SRRM3: variants seen among roughly 807,000 people sequenced by gnomAD.
The protein encoded by SRRM3 is serine/arginine repetitive matrix protein 3.
SRRM3 carries 27 observed loss-of-function variants against 66.2 expected under a neutral mutation model. The observed-to-expected ratio is 0.41, with a 90% CI of 0.30 to 0.56. The LOEUF is 0.56. Among genes scored for constraint, SRRM3 ranks in the 20% least tolerant of loss-of-function variants. The pLI, the probability that SRRM3 is intolerant of heterozygous loss-of-function variation, is 0.32. For missense variants in SRRM3, 918 were observed against 991.9 expected (o/e 0.93, Z 1.00); for synonymous variants, 391 against 414.9 (o/e 0.94, Z 0.70).
At chr7:76,212,052 G>A in intron 1 of SRRM3, among the ~76,000 whole-genome samples, 1 of 150,930 alleles carries the variant, frequency 6.6e-6, no homozygotes, top group African/African-American at 2.4e-5. Flanking sequence ...ACAAAACTCA[G>A]CCTGTTGCCC....
chr7:76,284,496 C>T (rs781936603), intron 14 of SRRM3, among the ~76,000 whole-genome samples: 19 of 152,234 alleles, frequency 1.2e-4, no homozygotes, highest in Middle Eastern at 6.8e-3. Flanking sequence ...CTACTTCTAA[C>T]GGATGTCCTC....
chr7:76,215,666 C>T (rs563810095), intron 1 of SRRM3, among the ~76,000 whole-genome samples: 10 of 135,834 alleles, frequency 7.4e-5, no homozygotes, highest in Admixed American at 3.2e-4. Flanking sequence ...TCACTCTTGT[C>T]GCCCAGGCTG....
At chr7:76,203,265 G>A (rs1422317556) in intron 1 of SRRM3, among the ~76,000 whole-genome samples, 1 of 152,180 alleles carries the variant, frequency 6.6e-6, no homozygotes, top group Non-Finnish European at 1.5e-5. Flanking sequence ...TGACTAAAGA[G>A]TCAACTGGGT....
At chr7:76,213,936 A>AT (rs1431413111) in intron 1 of SRRM3, among the ~76,000 whole-genome samples, 4 of 150,980 alleles carry the variant, frequency 2.6e-5, no homozygotes, top group East Asian at 3.9e-4. Flanking sequence ...TGCCTGGCTA[A>AT]TTTTTTTTTC....
chr7:76,246,153 T>C (rs1381131307), intron 2 of SRRM3, among the ~76,000 whole-genome samples: 3 of 152,230 alleles, frequency 2.0e-5, no homozygotes, highest in African/African-American at 7.2e-5. Flanking sequence ...ATTGGGCACC[T>C]ACTCTAAGCC....
intron 4 of SRRM3, 27 bp from the exon 5 acceptor site, chr7:76,260,090 C>T (rs576587491): frequency 7.7e-7 from 1 of 1,307,132 alleles, no homozygotes; most frequent in South Asian, 1.6e-5. Flanking sequence ...CCCCTCACCG[C>T]CCCCACCCCC....
intron 1 of SRRM3, among the ~76,000 whole-genome samples, chr7:76,214,284 C>T (rs1362545761): frequency 6.6e-6 from 1 of 152,094 alleles, no homozygotes; most frequent in African/African-American, 2.4e-5. Context: ...CACTCCCGAT[C>T]CGACATTAAG....
Position 76,221,359 on chromosome 7 carries a change from C to CTTTTTTTTTTTTTT in SRRM3, c.-39-13661_-39-13648dup, listed in dbSNP as rs781915041. Among the ~76,000 whole-genome samples, 138 of 95,356 alleles carry CTTTTTTTTTTTTTT rather than the reference C, an allele frequency of 1.4e-3. 30 individuals are homozygous for CTTTTTTTTTTTTTT. Among genetic ancestry groups the CTTTTTTTTTTTTTT allele is most frequent in the African/African-American group, 7.0e-3 (128 of 18,254 alleles). 62.6% of individuals were successfully genotyped at this position (95,356 alleles called of 152,430 possible). ...TTTGAGCCACTGGGCCTGCCCTCCT[C>CTTTTTTTTTTTTTT]TTTTTTTTTTTTTTTTTTTTTGAGA... On this transcript the variant is annotated intron_variant, in intron 1 of 14. Coordinates refer to ENST00000611745, the MANE Select transcript of SRRM3 (RefSeq NM_001110199.3).
chr7:76,227,090 T>C (rs1800889773), intron 1 of SRRM3, among the ~76,000 whole-genome samples: 1 of 141,288 alleles, frequency 7.1e-6, no homozygotes, highest in Non-Finnish European at 1.5e-5. Context: ...GGGTAAAGAC[T>C]TCCCATGTGC....
intron 1 of SRRM3, among the ~76,000 whole-genome samples, chr7:76,233,826 G>A (rs187087535): frequency 6.6e-6 from 1 of 152,256 alleles, no homozygotes; most frequent in Admixed American, 6.5e-5. Flanking sequence ...AAGAGCTTAT[G>A]TTTTCATCAC....
chr7:76,271,631 A>G (rs1179626698), intron 11 of SRRM3, among the ~76,000 whole-genome samples: 1 of 152,210 alleles, frequency 6.6e-6, no homozygotes, highest in African/African-American at 2.4e-5. Context: ...CAACAGAGCA[A>G]GACCCTGTCT....
At chr7:76,253,067 G>A (rs1012716032) in intron 3 of SRRM3, among the ~76,000 whole-genome samples, 1 of 152,106 alleles carries the variant, frequency 6.6e-6, no homozygotes, top group South Asian at 2.1e-4. Context: ...AGGAGGCTGA[G>A]GCACAAGAAT....
intron 3 of SRRM3, among the ~76,000 whole-genome samples, chr7:76,254,058 C>T (rs1801646875): frequency 6.6e-6 from 1 of 152,062 alleles, no homozygotes; most frequent in Non-Finnish European, 1.5e-5. Context: ...CACTGTCACC[C>T]AGGCTGGAGT....
intron 3 of SRRM3, among the ~76,000 whole-genome samples, chr7:76,257,265 G>A (rs1165127111): frequency 6.6e-6 from 1 of 151,950 alleles, no homozygotes; most frequent in Non-Finnish European, 1.5e-5. Flanking sequence ...TGTAGGAGGG[G>A]AAGGGGTGAG....
intron 1 of SRRM3, among the ~76,000 whole-genome samples, chr7:76,215,196 C>G (rs1336058513): frequency 6.6e-6 from 1 of 151,840 alleles, no homozygotes; most frequent in African/African-American, 2.4e-5. Flanking sequence ...TAAAGCACAA[C>G]TAACAGTTTT....
chr7:76,236,936 G>T (rs533047267), intron 2 of SRRM3, among the ~76,000 whole-genome samples: 4 of 152,276 alleles, frequency 2.6e-5, no homozygotes, highest in Non-Finnish European at 5.9e-5. Flanking sequence ...CTCCTACAGT[G>T]AGAACCTCAG....
chr7:76,234,832 A>G, intron 1 of SRRM3, 196 bp from the exon 2 acceptor site: 1 of 528,172 alleles, frequency 1.9e-6, no homozygotes, highest in Non-Finnish European at 3.3e-6. Flanking sequence ...GAAAAAGCCC[A>G]GTGTCCAACC....
chr7:76,248,692 A>G (rs1275072454), intron 3 of SRRM3, among the ~76,000 whole-genome samples: 1 of 152,074 alleles, frequency 6.6e-6, no homozygotes, highest in Non-Finnish European at 1.5e-5. Flanking sequence ...TAGAAATGAA[A>G]TTTGGGCAGG....
At chr7:76,245,202 AT>A (rs1291316003) in intron 2 of SRRM3, among the ~76,000 whole-genome samples, 5 of 152,170 alleles carry the variant, frequency 3.3e-5, no homozygotes, top group South Asian at 2.1e-4. Context: ...GCATGTGTTC[AT>A]TTTTTTTAAA....
Sources: gnomAD v4.1 joint callset for allele counts (sites outside exome capture counted in the v4.1 genomes callset) on GRCh38, gnomAD v4.1.1 for gene constraint, MANE v1.5 for transcripts, NCBI Gene and HGNC (gene_info 2026-07-23, HGNC 2026-07-21) for gene names.